Variants in PTPN22 observed in about 807,000 individuals in gnomAD.
PTPN22 encodes tyrosine-protein phosphatase non-receptor type 22.
Under a neutral mutation model 103.3 loss-of-function variants are expected in PTPN22, and 85 were observed. The ratio of observed to expected loss-of-function variants is 0.82; its 90% confidence interval spans 0.69 to 0.99. The LOEUF (loss-of-function observed/expected upper bound fraction) is 0.99. PTPN22 is among the 50% of genes least tolerant of loss of function. The pLI, the probability that PTPN22 is intolerant of heterozygous loss-of-function variation, is 0.00. For synonymous variants in PTPN22, 323 were observed against 310.2 expected, an observed-to-expected ratio of 1.04 and a Z score of -0.43; for missense variants, 865 against 936.9, an observed-to-expected ratio of 0.92 and a Z score of 1.00.
chr1:113,864,548 G>A (rs1250518241), intron 1 of PTPN22, among the ~76,000 whole-genome samples: 1 of 149,268 alleles, frequency 6.7e-6, no homozygotes, highest in African/African-American at 2.5e-5. Context: ...CCTAGAGGTT[G>A]AGGCTGCAGT....
At chr1:113,865,663 T>C (rs1277619302) in intron 1 of PTPN22, among the ~76,000 whole-genome samples, 1 of 152,178 alleles carries the variant, frequency 6.6e-6, no homozygotes, top group African/African-American at 2.4e-5. Flanking sequence ...TAGATGCTAA[T>C]AGTCTTTGAC....
chr1:113,864,614 CAA>C (rs34054118), intron 1 of PTPN22, among the ~76,000 whole-genome samples: 57 of 70,890 alleles, frequency 8.0e-4, no homozygotes, highest in South Asian at 1.5e-3. Flanking sequence ...GGCCCTGTCT[CAA>C]AAAAAAAAAA....
intron 8 of PTPN22, 102 bp from the exon 9 acceptor site, chr1:113,854,639 T>G: frequency 8.2e-7 from 1 of 1,220,632 alleles, no homozygotes; most frequent in Non-Finnish European, 1.2e-6. Context: ...AGGAAGAAGA[T>G]ACCTGGGGAC....
At chr1:113,852,185 A>C in intron 9 of PTPN22, 81 bp from the exon 10 acceptor site, 1 of 1,030,242 alleles carries the variant, frequency 9.7e-7, no homozygotes, top group Non-Finnish European at 1.5e-6. Flanking sequence ...TTGTACTTCC[A>C]TGGCATCTGC....
chr1:113,852,187 G>GTTAGAAGAGCAGATGCCATGGAA, intron 9 of PTPN22, 83 bp from the exon 10 acceptor site: 1 of 1,006,132 alleles, frequency 9.9e-7, no homozygotes, highest in Non-Finnish European at 1.5e-6. Flanking sequence ...GTACTTCCAT[G>GTTAGAAGAGCAGATGCCATGGAA]GCATCTGCTC....
Position 113,854,986 on chromosome 1 carries a change from T to C in PTPN22, c.604A>G (p.Ile202Val), listed in dbSNP as rs558134427. The C allele has an allele frequency of 6.7e-5, 108 of 1,607,062 alleles. No individual in the cohort carries two copies. The Admixed American group carries it at 1.6e-3, about 24-fold the overall frequency. Residue 202 changes from isoleucine (I) to valine (V), a missense_variant, in exon 8 of 21, where the codon ATA becomes GTA. By Grantham distance (29) the Ile-to-Val change is conservative (BLOSUM62 3). Around this residue, in one of 3 missense-constraint regions of PTPN22, gnomAD observed 457 missense variants for 529.1 expected, o/e 0.86. Transcript: ENST00000359785. ...CAGATGAGCTCAAGAATAGGGTCTATAGATGAAGGTACATCATGGTCTGGC... is the reference window on the plus strand; with the variant it reads ...CAGATGAGCTCAAGAATAGGGTCTACAGATGAAGGTACATCATGGTCTGGC...
chr1:113,828,541 C>T (rs2101915168), intron 18 of PTPN22, among the ~76,000 whole-genome samples: 1 of 152,252 alleles, frequency 6.6e-6, no homozygotes, highest in African/African-American at 2.4e-5. Context: ...ATACCACCTT[C>T]ATTGTATACT....
intron 16 of PTPN22, among the ~76,000 whole-genome samples, 172 bp from the exon 17 acceptor site, chr1:113,830,201 CGTT>C (rs1662435777): frequency 6.6e-6 from 1 of 152,082 alleles, no homozygotes; most frequent in African/African-American, 2.4e-5. Context: ...TTTTCTACCT[CGTT>C]AGCCTATGAG....
chr1:113,842,372 C>G (rs1254623791), intron 11 of PTPN22, among the ~76,000 whole-genome samples: 1 of 152,154 alleles, frequency 6.6e-6, no homozygotes, highest in Non-Finnish European at 1.5e-5. Flanking sequence ...ATTAGGATGG[C>G]TGCCATCAAA....
chr1:113,856,625 G>T lies in PTPN22; in HGVS notation c.409-6C>A. The T allele has an allele frequency of 6.2e-7, 1 of 1,614,054 alleles. No individual in the cohort carries two copies. Among genetic ancestry groups the T allele is most frequent in the Non-Finnish European group, 8.5e-7 (1 of 1,179,984 alleles). On this transcript the variant is annotated splice_region_variant and splice_polypyrimidine_tract_variant and intron_variant, in intron 5 of 20. Transcript: ENST00000359785. ...CAGTAGCGCTCACACTTTTTCTGTT[G>T]CACAAAGCAGAATACAGTGATTTCC...
At chr1:113,824,363 G>A (rs1661871987) in intron 19 of PTPN22, among the ~76,000 whole-genome samples, 1 of 151,854 alleles carries the variant, frequency 6.6e-6, no homozygotes, top group African/African-American at 2.4e-5. Flanking sequence ...GCCTCCCAAA[G>A]TGCTGGGATT....
Position 113,859,184 on chromosome 1 carries a change from GTGAA to G in PTPN22, c.197-110_197-107del, listed in dbSNP as rs534498840. ...TGTATGCTCATGAGTGAACAAGTGA[GTGAA>G]TGAATGAATGAATGAATGAATATTC... is the stretch of plus-strand genomic sequence containing the variant. On this transcript the variant is annotated intron_variant, in intron 2 of 20. Transcript: ENST00000359785. 4.1e-4 allele frequency: 637 copies of G among 1,553,380 alleles called. 2 individuals are homozygous for G. Among genetic ancestry groups the G allele is most frequent in the South Asian group, 2.5e-3 (207 of 83,558 alleles).
chr1:113,821,168 A>G (rs190609542), intron 19 of PTPN22, among the ~76,000 whole-genome samples: 138 of 152,322 alleles, frequency 9.1e-4, no homozygotes, highest in Middle Eastern at 3.4e-3. Flanking sequence ...TGAAAGTTAT[A>G]TACATCCTTC....
At chr1:113,834,817 C>T (rs1662840286) in intron 14 of PTPN22, 93 bp downstream of exon 14, 2 of 1,036,038 alleles carry the variant, frequency 1.9e-6, no homozygotes, top group East Asian at 2.6e-5. Context: ...AAACTCAAGG[C>T]TCACACATCA....
At chr1:113,863,592 C>T (rs1320112675) in intron 1 of PTPN22, among the ~76,000 whole-genome samples, 1 of 152,156 alleles carries the variant, frequency 6.6e-6, no homozygotes, top group African/African-American at 2.4e-5. Flanking sequence ...AAGTGATAGG[C>T]TGATTCACAG....
At chr1:113,827,818 A>G (rs1440121386) in intron 18 of PTPN22, among the ~76,000 whole-genome samples, 15 of 152,076 alleles carry the variant, frequency 9.9e-5, no homozygotes, top group Non-Finnish European at 1.5e-5. Flanking sequence ...CCCATCTCTA[A>G]TTTAAAAAAA....
At chr1:113,861,177 C>T (rs1665553698) in intron 1 of PTPN22, among the ~76,000 whole-genome samples, 1 of 152,112 alleles carries the variant, frequency 6.6e-6, no homozygotes, top group African/African-American at 2.4e-5. Context: ...TTCCCTCAAA[C>T]ATCTTATCTT....
At chr1:113,830,352 T>C (rs573098339) in intron 16 of PTPN22, among the ~76,000 whole-genome samples, 39 of 152,282 alleles carry the variant, frequency 2.6e-4, no homozygotes, top group Non-Finnish European at 4.1e-4. Context: ...AATAAAACCA[T>C]TGTGATACAA....
chr1:113,823,631 C>G (rs115104821), intron 19 of PTPN22: 5 of 152,208 alleles, frequency 3.3e-5, no homozygotes, highest in African/African-American at 1.2e-4. Context: ...CCTGAAGTTT[C>G]TGTTTCTTTA....
Sources: gnomAD v4.1 joint callset for allele counts (sites outside exome capture counted in the v4.1 genomes callset) on GRCh38, gnomAD v4.1.1 for gene constraint, gnomAD v4.1.1 regional missense constraint, MANE v1.5 for transcripts, NCBI Gene and HGNC (gene_info 2026-07-23, HGNC 2026-07-21) for gene names.